The following RAB7A variants were observed in gnomAD, a reference collection of about 807,000 sequenced individuals.
RAB7A encodes ras-related protein Rab-7a.
A neutral mutation model predicts 24.5 loss-of-function variants in RAB7A; 2 were observed. That is an observed-to-expected ratio of 0.08 (90% CI 0.03 to 0.26). The LOEUF (loss-of-function observed/expected upper bound fraction) is 0.26. RAB7A is among the 10% of genes least tolerant of loss of function. The pLI is 1.00. For synonymous variants in RAB7A, 100 were observed against 95.9 expected (o/e 1.04, Z -0.25); for missense variants, 118 against 255.7 (o/e 0.46, Z 3.67).
At chr3:128,785,948 A>G (rs527600685) in intron 1 of RAB7A, among the ~76,000 whole-genome samples, 9 of 152,244 alleles carry the variant, frequency 5.9e-5, no homozygotes, top group Admixed American at 2.0e-4. Context: ...CTGACGGCCT[A>G]CTTCCCGAGT....
chr3:128,762,558 A>T (rs2070783460), intron 1 of RAB7A, among the ~76,000 whole-genome samples: 1 of 152,120 alleles, frequency 6.6e-6, no homozygotes, highest in South Asian at 2.1e-4. Flanking sequence ...CTCAGTGAGT[A>T]TTGAGTGCCT....
intron 1 of RAB7A, among the ~76,000 whole-genome samples, chr3:128,757,531 T>C (rs1455500773): frequency 6.6e-6 from 1 of 152,044 alleles, no homozygotes; most frequent in Non-Finnish European, 1.5e-5. Flanking sequence ...ACAATTTTTT[T>C]TTTTTTGAGA....
chr3:128,726,404 C>G (rs930494812), intron 1 of RAB7A, 45 bp downstream of exon 1: 5 of 152,294 alleles, frequency 3.3e-5, no homozygotes, highest in East Asian at 1.9e-4. Flanking sequence ...CCCCATCCCC[C>G]CCCTCAGCCC....
intron 1 of RAB7A, among the ~76,000 whole-genome samples, chr3:128,772,411 C>T (rs1177105427): frequency 2.6e-5 from 4 of 152,002 alleles, no homozygotes; most frequent in Admixed American, 2.6e-4. Context: ...ATACTATTGT[C>T]TCGTTTTTTT....
chr3:128,733,483 G>A (rs1046426041), intron 1 of RAB7A, among the ~76,000 whole-genome samples: 4 of 152,160 alleles, frequency 2.6e-5, no homozygotes, highest in East Asian at 1.9e-4. Flanking sequence ...TAGGGCTGCC[G>A]TAACAAGTAT....
intron 1 of RAB7A, among the ~76,000 whole-genome samples, chr3:128,742,181 C>A (rs1019640384): frequency 6.6e-6 from 1 of 151,416 alleles, no homozygotes; most frequent in Non-Finnish European, 1.5e-5. Flanking sequence ...TAAGGTGGCA[C>A]GTCTGGAGTT....
chr3:128,810,595 G>C (rs1017806656), intron 5 of RAB7A, among the ~76,000 whole-genome samples: 1 of 152,008 alleles, frequency 6.6e-6, no homozygotes, highest in African/African-American at 2.4e-5. Context: ...CACAGAGAGA[G>C]GACACATGAG....
At chr3:128,756,809 G>C (rs1024029679) in intron 1 of RAB7A, among the ~76,000 whole-genome samples, 1 of 151,562 alleles carries the variant, frequency 6.6e-6, no homozygotes, top group Non-Finnish European at 1.5e-5. Flanking sequence ...GTTCATATTT[G>C]GACTGTTGGG....
intron 1 of RAB7A, among the ~76,000 whole-genome samples, chr3:128,762,743 G>T (rs902615352): frequency 6.6e-5 from 10 of 152,176 alleles, no homozygotes; most frequent in Non-Finnish European, 1.2e-4. Flanking sequence ...TTAGGATCCA[G>T]TGAGAGCTTC....
At chr3:128,800,842 G>A (rs900401626) in intron 3 of RAB7A, among the ~76,000 whole-genome samples, 3 of 152,180 alleles carry the variant, frequency 2.0e-5, no homozygotes, top group African/African-American at 7.2e-5. Context: ...ATGTAGATGA[G>A]GAAAGAGTGG....
At chr3:128,727,805 C>T (rs991765840) in intron 1 of RAB7A, among the ~76,000 whole-genome samples, 1 of 152,164 alleles carries the variant, frequency 6.6e-6, no homozygotes, top group Non-Finnish European at 1.5e-5. Context: ...TGAATAAAGT[C>T]TCCTCTTAGT....
intron 3 of RAB7A, among the ~76,000 whole-genome samples, chr3:128,805,559 A>G (rs928541532): frequency 6.6e-6 from 1 of 151,834 alleles, no homozygotes; most frequent in Non-Finnish European, 1.5e-5. Context: ...CTTTCTCTTG[A>G]TCTCTTTTTG....
At chr3:128,770,225 A>ATTCCTGACCTTGTGATC (rs1450410784) in intron 1 of RAB7A, among the ~76,000 whole-genome samples, 4 of 150,648 alleles carry the variant, frequency 2.7e-5, no homozygotes, top group African/African-American at 9.8e-5. Context: ...CTGGTTTCGA[A>ATTCCTGACCTTGTGATC]CTCCTGACCT....
intron 3 of RAB7A, among the ~76,000 whole-genome samples, chr3:128,801,401 G>T (rs2107613621): frequency 6.6e-6 from 1 of 152,390 alleles, no homozygotes; most frequent in East Asian, 1.9e-4. Context: ...TAAGAGGATG[G>T]GGGGAACCTT....
chr3:128,747,843 C>G (rs1384282923), intron 1 of RAB7A, among the ~76,000 whole-genome samples: 1 of 151,376 alleles, frequency 6.6e-6, no homozygotes, highest in African/African-American at 2.5e-5. Flanking sequence ...TCTTGGCTCA[C>G]TGCAACCTCC....
At position 128,813,587 on chromosome 3, in the gene RAB7A, ACACACACACACACACG is replaced by A. The variant is rs541418692; in HGVS notation, c.*181_*196del. ...CACAGTTACACCCCACATATCTCTCACACACACACACACACGCACACACACACACACAGATCTGACG... is the reference window on the plus strand; with the variant it reads ...CACAGTTACACCCCACATATCTCTCACACACACACACACACAGATCTGACG... On this transcript the variant is annotated 3_prime_UTR_variant, in exon 6 of 6. Transcript: ENST00000265062. 335 of 500,004 alleles carry A rather than the reference ACACACACACACACACG, an allele frequency of 6.7e-4. No individual in the cohort carries two copies. Among genetic ancestry groups the A allele is most frequent in the Non-Finnish European group, 9.8e-4 (260 of 264,218 alleles). The allele number at this position is 500,004 out of a possible 1,614,324, so 31.0% of individuals were successfully genotyped here.
At chr3:128,765,501 A>G (rs1322968376) in intron 1 of RAB7A, among the ~76,000 whole-genome samples, 2 of 152,210 alleles carry the variant, frequency 1.3e-5, no homozygotes, top group African/African-American at 2.4e-5. Context: ...TTGTTGCAAG[A>G]TATCTTAGAC....
At chr3:128,753,731 A>ATT (rs1392633566) in intron 1 of RAB7A, among the ~76,000 whole-genome samples, 3 of 152,186 alleles carry the variant, frequency 2.0e-5, no homozygotes, top group Non-Finnish European at 4.4e-5. Context: ...TTGAGTCCTT[A>ATT]TATAAAGTCA....
At chr3:128,797,290 T>TG (rs780135459) in intron 2 of RAB7A, among the ~76,000 whole-genome samples, 1 of 152,032 alleles carries the variant, frequency 6.6e-6, no homozygotes, top group East Asian at 1.9e-4. Flanking sequence ...TCACTGGCTA[T>TG]GGGGGGGAAG....
Sources: allele counts gnomAD v4.1 joint callset (sites outside exome capture counted in the v4.1 genomes callset), GRCh38; gene constraint gnomAD v4.1.1; transcripts MANE v1.5; gene names NCBI Gene and HGNC (gene_info 2026-07-23, HGNC 2026-07-21).